SLC22A23: variants seen among roughly 807,000 people sequenced by gnomAD.
The protein encoded by SLC22A23 is solute carrier family 22 member 23, also known as ion transporter protein.
SLC22A23 carries 26 observed loss-of-function variants against 61.0 expected under a neutral mutation model. The observed-to-expected ratio is 0.43, with a 90% CI of 0.31 to 0.59. The LOEUF (loss-of-function observed/expected upper bound fraction) is 0.59. SLC22A23 is among the 20% of genes least tolerant of loss of function. The pLI is 0.11. For missense variants in SLC22A23, 796 were observed against 934.7 expected (o/e 0.85, Z 1.94); for synonymous variants, 430 against 413.9 (o/e 1.04, Z -0.47).
chr6:3,403,590 A>C (rs1040165155), intron 3 of SLC22A23, among the ~76,000 whole-genome samples: 5 of 152,158 alleles, frequency 3.3e-5, no homozygotes, highest in Admixed American at 6.5e-5. Context: ...GCAGCCACAC[A>C]GCGAGGAAGG....
At chr6:3,337,215 C>T (rs889255297) in intron 3 of SLC22A23, among the ~76,000 whole-genome samples, 1 of 152,220 alleles carries the variant, frequency 6.6e-6, no homozygotes, top group African/African-American at 2.4e-5. Flanking sequence ...AGGGCTGCTT[C>T]AACCACAGGA....
chr6:3,322,105 T>C lies in SLC22A23; in HGVS notation c.1082+1729A>G, dbSNP rs1762987252. On this transcript the variant is annotated intron_variant, in intron 4 of 9. Transcript: ENST00000406686. This position sits in a 1 kb window ranked among gnomAD's most constrained non-coding sequence, Gnocchi z 4.1. ...GGCAGGGGAAGACAGGAGCCAGGTGTGGCAAGAGTTGGCCGCTTCAGGTCC... is the reference window on the plus strand; with the variant it reads ...GGCAGGGGAAGACAGGAGCCAGGTGCGGCAAGAGTTGGCCGCTTCAGGTCC... Among the ~76,000 whole-genome samples the C allele has an allele frequency of 6.6e-6, 1 of 152,090 alleles. No individual in the cohort carries two copies. Among genetic ancestry groups the C allele is most frequent in the Admixed American group, 6.5e-5 (1 of 15,268 alleles).
intron 2 of SLC22A23, among the ~76,000 whole-genome samples, chr6:3,413,985 A>G (rs541526610): frequency 1.4e-4 from 21 of 152,318 alleles, no homozygotes; most frequent in Admixed American, 5.2e-4. Context: ...GCGATGTCAG[A>G]CTTCTGGTTA....
rs182482197 is a variant in SLC22A23, at chr6:3,298,694, C to T, written c.1083-476G>A. 3.0e-3 allele frequency among the ~76,000 whole-genome samples: 454 copies of T among 152,156 alleles called. 1 individual carries two copies. Among genetic ancestry groups the T allele is most frequent in the African/African-American group, 9.6e-3 (396 of 41,436 alleles). On this transcript the variant is annotated intron_variant, in intron 4 of 9. Transcript: ENST00000406686. ...GAGGAGGATGTTAAATGTTCCCGGC[C>T]GGGCGCGGTGGCTCACGCCTGTAAT... is the stretch of plus-strand genomic sequence containing the variant.
chr6:3,289,604 C>T (rs1488024408), intron 6 of SLC22A23, among the ~76,000 whole-genome samples, 160 bp downstream of exon 6: 4 of 152,160 alleles, frequency 2.6e-5, no homozygotes, highest in East Asian at 1.9e-4. Flanking sequence ...CTTCCGGGAG[C>T]GGGGGAGGTC....
chr6:3,374,377 C>T (rs6921313), intron 3 of SLC22A23, among the ~76,000 whole-genome samples: 72,081 of 151,714 alleles, frequency 0.48, 17,333 homozygotes, highest in Middle Eastern at 0.55. Context: ...CCTGTGATGA[C>T]AGGCAGAAGG....
rs1561847339 is a variant in SLC22A23, at chr6:3,269,493, TTACA to T, written c.*3558_*3561del. 1.3e-5 allele frequency: 2 copies of T among 152,850 alleles called. No individual in the cohort carries two copies. Among genetic ancestry groups the T allele is most frequent in the East Asian group, 3.8e-4 (2 of 5,330 alleles). The allele number at this position is 152,850 out of a possible 1,614,324, so 9.5% of individuals were successfully genotyped here. On this transcript the variant is annotated 3_prime_UTR_variant, in exon 10 of 10. Transcript: ENST00000406686. ...GGGCAACGTTTTTATTTCTGTACAT[TTACA>T]TACAAATTTTCCCCAAAGGTACAAC...
intron 9 of SLC22A23, 97 bp from the exon 10 acceptor site, chr6:3,273,509 C>G (rs1758622799): frequency 2.3e-6 from 3 of 1,333,028 alleles, no homozygotes; most frequent in Non-Finnish European, 3.1e-6. Context: ...TCTGCAGGGG[C>G]CCTGCTGCCC....
chr6:3,322,757 C>T lies in SLC22A23; in HGVS notation c.1082+1077G>A, dbSNP rs531038932. Among the ~76,000 whole-genome samples the T allele has an allele frequency of 3.2e-4, 48 of 152,224 alleles. No homozygotes were observed. The highest frequency in any genetic ancestry group is 5.3e-4 in the Non-Finnish European group (36 of 68,038). On this transcript the variant is annotated intron_variant, in intron 4 of 9. Coordinates refer to ENST00000406686, the MANE Select transcript of SLC22A23 (RefSeq NM_015482.2). The surrounding 1 kb of genome is among the most constrained non-coding windows in gnomAD (Gnocchi z 4.1). ...AGCCAAAAGGTAGGTGCTTTCTTCC[C>T]TCCCGGGCACCTGAGCAAAGGAAGC...
Position 3,438,905 on chromosome 6 carries a change from A to G in SLC22A23, c.654+17001T>C, listed in dbSNP as rs1771399978. Among the ~76,000 whole-genome samples, 3 of 152,216 alleles carry G rather than the reference A, an allele frequency of 2.0e-5. 1 individual carries two copies. The South Asian group carries it at 6.2e-4, about 32-fold the overall frequency. On this transcript the variant is annotated intron_variant, in intron 1 of 9. Transcript: ENST00000406686. ...TTGTGGGAATTCCCAGCAGGATGAA[A>G]CACCCTCAGCCTGAACACCCATGTG... is the stretch of plus-strand genomic sequence containing the variant.
intron 8 of SLC22A23, chr6:3,284,877 C>A (rs1759826190): frequency 6.5e-7 from 1 of 1,531,452 alleles, no homozygotes; most frequent in Middle Eastern, 1.7e-4. Flanking sequence ...CAGGGAAGCA[C>A]CAGTCGCTCT....
chr6:3,355,570 T>C (rs1255910328), intron 3 of SLC22A23, among the ~76,000 whole-genome samples: 1 of 152,144 alleles, frequency 6.6e-6, no homozygotes, highest in Non-Finnish European at 1.5e-5. Flanking sequence ...GCCAAGGTCA[T>C]AACAAGGTTA....
chr6:3,278,340 A>C (rs1759101279), intron 9 of SLC22A23, among the ~76,000 whole-genome samples: 1 of 150,638 alleles, frequency 6.6e-6, no homozygotes, highest in Non-Finnish European at 1.5e-5. Flanking sequence ...AGGAATAGCC[A>C]CACCACTGTG....
intron 2 of SLC22A23, among the ~76,000 whole-genome samples, chr6:3,415,187 C>A (rs1769600299): frequency 6.6e-6 from 1 of 152,132 alleles, no homozygotes; most frequent in African/African-American, 2.4e-5. Context: ...TGGCCACCAC[C>A]CTCCCCTGCC....
At position 3,372,309 on chromosome 6, in the gene SLC22A23, A is replaced by G. The variant is rs1342201032; in HGVS notation, c.913+37879T>C. Among the ~76,000 whole-genome samples the G allele has an allele frequency of 6.6e-6, 1 of 152,244 alleles. No homozygotes were observed. Among genetic ancestry groups the G allele is most frequent in the Non-Finnish European group, 1.5e-5 (1 of 68,046 alleles). On this transcript the variant is annotated intron_variant, in intron 3 of 9. Coordinates refer to ENST00000406686, the MANE Select transcript of SLC22A23 (RefSeq NM_015482.2). The surrounding 1 kb of genome is among the most constrained non-coding windows in gnomAD (Gnocchi z 4.7). Reference sequence around the variant, plus strand: ...CAAAGTAGGGTATGAATGCAGTAACAGGTAACAGGGATTTGAAAATGTGGA... The same window carrying G: ...CAAAGTAGGGTATGAATGCAGTAACGGGTAACAGGGATTTGAAAATGTGGA...
intron 1 of SLC22A23, 106 bp downstream of exon 1, chr6:3,455,800 C>A: frequency 7.4e-7 from 1 of 1,346,532 alleles, no homozygotes; most frequent in Non-Finnish European, 9.8e-7. Flanking sequence ...GCCCTACACA[C>A]ACTCTAGCAC....
intron 6 of SLC22A23, among the ~76,000 whole-genome samples, chr6:3,288,613 T>A (rs1760277043): frequency 6.6e-6 from 1 of 152,152 alleles, no homozygotes; most frequent in East Asian, 1.9e-4. Context: ...GAGAGCTCGG[T>A]TCCCCGTCTC....
chr6:3,306,980 C>T (rs1009088095), intron 4 of SLC22A23, among the ~76,000 whole-genome samples: 1 of 152,206 alleles, frequency 6.6e-6, no homozygotes, highest in African/African-American at 2.4e-5. Context: ...CAGGCGTCAG[C>T]GTCTGCAGCG....
intron 1 of SLC22A23, among the ~76,000 whole-genome samples, chr6:3,430,601 G>A (rs6938957): frequency 0.3 from 45,976 of 152,034 alleles, 8,149 homozygotes; most frequent in East Asian, 0.48. Context: ...TGCTGTCCTC[G>A]CTCTTTAGAG....
Sources: gnomAD v4.1 joint callset for allele counts (sites outside exome capture counted in the v4.1 genomes callset) on GRCh38, gnomAD v4.1.1 for gene constraint, Gnocchi (gnomAD v3.1) non-coding constraint, MANE v1.5 for transcripts, NCBI Gene and HGNC (gene_info 2026-07-23, HGNC 2026-07-21) for gene names.